Variants in SH3PXD2A observed in about 807,000 individuals in gnomAD.
SH3PXD2A encodes the protein SH3 and PX domains 2A, also known as SH3 and PX domain-containing protein 2A.
A neutral mutation model predicts 115.2 loss-of-function variants in SH3PXD2A; 32 were observed. The observed-to-expected ratio is 0.28, with a 90% confidence interval of 0.21 to 0.37. SH3PXD2A has a LOEUF of 0.37. SH3PXD2A is among the 10% of genes least tolerant of loss of function. SH3PXD2A has a pLI of 1.00. For missense variants in SH3PXD2A, 1,328 were observed against 1,498.7 expected (o/e 0.89, Z 1.88); for synonymous variants, 610 against 629.1 (o/e 0.97, Z 0.45).
intron 5 of SH3PXD2A, among the ~76,000 whole-genome samples, chr10:103,696,609 C>T (rs1241309230): frequency 6.6e-6 from 1 of 152,214 alleles, no homozygotes; most frequent in East Asian, 1.9e-4. Context: ...TGGTAGGTCA[C>T]AGTCTAGCCT....
intron 1 of SH3PXD2A, among the ~76,000 whole-genome samples, chr10:103,830,876 G>A (rs1248257806): frequency 6.6e-6 from 1 of 151,454 alleles, no homozygotes; most frequent in Non-Finnish European, 1.5e-5. Context: ...TGAGGATTAG[G>A]GCTAAAAGAA....
chr10:103,711,172 C>T (rs1412368406), intron 5 of SH3PXD2A, among the ~76,000 whole-genome samples: 3 of 152,158 alleles, frequency 2.0e-5, no homozygotes, highest in Non-Finnish European at 2.9e-5. Flanking sequence ...CAGGAGCATC[C>T]CAAGAGGGAA....
chr10:103,672,955 C>T (rs1477828677), intron 6 of SH3PXD2A, among the ~76,000 whole-genome samples: 1 of 152,202 alleles, frequency 6.6e-6, no homozygotes, highest in Non-Finnish European at 1.5e-5. Context: ...AAACCAGGGG[C>T]CTGGAGATTC....
chr10:103,754,873 T>A (rs752493810), intron 3 of SH3PXD2A: 2 of 152,202 alleles, frequency 1.3e-5, no homozygotes. Context: ...GTTTGTATTA[T>A]GTGAATGAAC....
At chr10:103,781,623 G>A (rs1279024363) in intron 2 of SH3PXD2A, among the ~76,000 whole-genome samples, 1 of 152,182 alleles carries the variant, frequency 6.6e-6, no homozygotes, top group Non-Finnish European at 1.5e-5. Context: ...TTCCTCCTGC[G>A]GTTCTATCCT....
chr10:103,664,948 T>C (rs924068807), intron 7 of SH3PXD2A, among the ~76,000 whole-genome samples: 2 of 152,130 alleles, frequency 1.3e-5, no homozygotes, highest in African/African-American at 2.4e-5. Flanking sequence ...GCTGGGATTA[T>C]AGGCATAAGC....
intron 8 of SH3PXD2A, among the ~76,000 whole-genome samples, chr10:103,632,930 T>C (rs1036706998): frequency 6.6e-6 from 1 of 151,958 alleles, no homozygotes; most frequent in Non-Finnish European, 1.5e-5. Flanking sequence ...GCTGAGATCA[T>C]GCCACTGCAC....
chr10:103,759,470 C>G (rs1436744158), intron 3 of SH3PXD2A, among the ~76,000 whole-genome samples: 1 of 152,174 alleles, frequency 6.6e-6, no homozygotes, highest in African/African-American at 2.4e-5. Flanking sequence ...GGATGAAGGG[C>G]TTTCTGGAAG....
rs200806023 is a variant in SH3PXD2A at position 103,706,803 on chromosome 10, T to TC, written c.399-13748dup. 1.0e-3 allele frequency among the ~76,000 whole-genome samples: 151 copies of TC among 149,908 alleles called. No individual in the cohort carries two copies. The East Asian group carries it at 0.024, about 23-fold the overall frequency. On this transcript the variant is annotated intron_variant, in intron 5 of 14. Transcript: ENST00000369774. ...CCTGCATCTCTGCTCTCCCCTCCTT[T>TC]CCCCCCCGAGTAGAGCTCAGTGGAA...
intron 6 of SH3PXD2A, among the ~76,000 whole-genome samples, chr10:103,675,088 G>A (rs2037515805): frequency 2.0e-5 from 3 of 152,164 alleles, no homozygotes. Context: ...CCCTTGCACT[G>A]GAGGGCGAGG....
chr10:103,830,616 T>C (rs1248988217), intron 1 of SH3PXD2A, among the ~76,000 whole-genome samples: 4 of 151,916 alleles, frequency 2.6e-5, no homozygotes, highest in African/African-American at 9.7e-5. Context: ...AATGAGTAAG[T>C]GTGGTGGACA....
chr10:103,619,055 T>C (rs2036564113), intron 10 of SH3PXD2A, among the ~76,000 whole-genome samples: 1 of 152,184 alleles, frequency 6.6e-6, no homozygotes, highest in Non-Finnish European at 1.5e-5. Context: ...AGGAGGGTGA[T>C]GACCCATGGG....
In SH3PXD2A at chr10:103,627,034, G is replaced by C. The variant is rs2036708588; in HGVS notation, c.718+55C>G. The C allele has an allele frequency of 1.1e-6, 1 of 932,800 alleles. No individual in the cohort carries two copies. Among genetic ancestry groups the C allele is most frequent in the Non-Finnish European group, 1.8e-6 (1 of 563,234 alleles). The allele number at this position is 932,800 out of a possible 1,614,324, so 57.8% of individuals were successfully genotyped here. ...TGTTGGTTCTAGGGAAAGAGTGAGA[G>C]AGCTGCCTCCAGAGGCCGCGTTGCT... On this transcript the variant is annotated intron_variant, in intron 9 of 14. Coordinates refer to ENST00000369774, the MANE Select transcript of SH3PXD2A (RefSeq NM_001394015.1). The surrounding 1 kb of genome is among the most constrained non-coding windows in gnomAD (Gnocchi z 4.4).
chr10:103,770,537 T>C (rs756537483), intron 2 of SH3PXD2A, among the ~76,000 whole-genome samples: 7 of 152,196 alleles, frequency 4.6e-5, no homozygotes, highest in South Asian at 2.1e-4. Context: ...AGAATTTCAA[T>C]GTCTGGATAT....
At chr10:103,831,922 T>C (rs2039485984) in intron 1 of SH3PXD2A, among the ~76,000 whole-genome samples, 1 of 152,250 alleles carries the variant, frequency 6.6e-6, no homozygotes. Flanking sequence ...CTGTGGCCTT[T>C]TGTGTCTGAC....
intron 2 of SH3PXD2A, among the ~76,000 whole-genome samples, chr10:103,788,403 TG>T (rs752828355): frequency 6.6e-6 from 1 of 152,150 alleles, no homozygotes; most frequent in Non-Finnish European, 1.5e-5. Flanking sequence ...CTTGGAAAGT[TG>T]GGAATTTGGC....
At chr10:103,705,051 C>T (rs943962737) in intron 5 of SH3PXD2A, among the ~76,000 whole-genome samples, 2 of 152,142 alleles carry the variant, frequency 1.3e-5, no homozygotes, top group African/African-American at 4.8e-5. Context: ...TGCTCCCAGC[C>T]TTCTCCAGCT....
rs772997461 is a variant in SH3PXD2A, at chr10:103,603,436, C to T, written c.1782G>A (p.Pro594=). 38 of 1,613,280 alleles carry T rather than the reference C, an allele frequency of 2.4e-5. No homozygotes were observed. The highest frequency in any genetic ancestry group is 1.6e-4 in the Middle Eastern group (1 of 6,078). Residue 594 remains proline (P), a synonymous_variant, in exon 15 of 15, where the codon CCG becomes CCA. Coordinates refer to ENST00000369774, the MANE Select transcript of SH3PXD2A (RefSeq NM_001394015.1). ...AGCGGGCCCGCTGCAGAGAAGAGGC[C>T]GGCGAGGGCCGGTGGGGCTGGGCAG... is the stretch of plus-strand genomic sequence containing the variant. The part of the protein sequence containing the change: ...RRPAQPHRPS[P]ASSLQRARFK...
intron 8 of SH3PXD2A, among the ~76,000 whole-genome samples, chr10:103,648,847 C>A (rs904174168): frequency 6.6e-6 from 1 of 152,250 alleles, no homozygotes; most frequent in Non-Finnish European, 1.5e-5. Context: ...CGTGCGTGTG[C>A]ACACCCTTTG....
Sources: allele counts gnomAD v4.1 joint callset (sites outside exome capture counted in the v4.1 genomes callset), GRCh38; gene constraint gnomAD v4.1.1; non-coding constraint Gnocchi (gnomAD v3.1); transcripts MANE v1.5; gene names NCBI Gene and HGNC (gene_info 2026-07-23, HGNC 2026-07-21).